USP30: variants seen among roughly 807,000 people sequenced by gnomAD.
USP30 encodes ubiquitin specific peptidase 30.
In USP30, 41 loss-of-function variants were observed where a neutral mutation model predicts 68.2. That is an observed-to-expected ratio of 0.60 (90% CI 0.47 to 0.78). The LOEUF (loss-of-function observed/expected upper bound fraction) is 0.78. USP30 is among the 30% of genes least tolerant of loss of function. The pLI, the probability that USP30 is intolerant of heterozygous loss-of-function variation, is 0.00. For synonymous variants in USP30, 229 were observed against 253.7 expected (o/e 0.90, Z 0.93); for missense variants, 522 against 649.4 (o/e 0.80, Z 2.13).
upstream of USP30, among the ~76,000 whole-genome samples, chr12:109,048,178 T>C (rs987272087): frequency 7.9e-5 from 12 of 151,328 alleles, no homozygotes; most frequent in African/African-American, 2.9e-4. Context: ...CTCTAACTCC[T>C]GGGCTCAAGC....
chr12:109,082,564 G>C, intron 9 of USP30, 99 bp from the exon 10 acceptor site: 1 of 1,161,352 alleles, frequency 8.6e-7, no homozygotes, highest in South Asian at 1.5e-5. Context: ...TAGCAGTCAA[G>C]TGCCAATTGT....
In USP30 at chr12:109,082,912, C is replaced by A. The variant is rs770601644; in HGVS notation, c.1018C>A (p.His340Asn). Reference sequence around the variant, plus strand: ...CAGCCACGGCACGCCTCTGAAGCGGCATGAGCACGTGCAGTTCAATGAGTT... The same window carrying A: ...CAGCCACGGCACGCCTCTGAAGCGGAATGAGCACGTGCAGTTCAATGAGTT... Reference protein sequence around the residue: ...WSSHGTPLKRHEHVQFNEFLM... With the variant: ...WSSHGTPLKRNEHVQFNEFLM... Residue 340 changes from histidine (H) to asparagine (N), a missense_variant, in exon 11 of 13, where the codon CAT becomes AAT. Transcript: ENST00000257548. 10 of 1,614,248 alleles carry A rather than the reference C, an allele frequency of 6.2e-6. No individual in the cohort carries two copies. In the East Asian group the frequency reaches 6.7e-5, roughly 11 times the overall value.
At chr12:109,024,650 C>T (rs1233579651) in intron 1 of USP30, among the ~76,000 whole-genome samples, 1 of 150,800 alleles carries the variant, frequency 6.6e-6, no homozygotes, top group Non-Finnish European at 1.5e-5. Context: ...GACCGAGTCT[C>T]GCTCTGTCTC....
intron 3 of USP30, among the ~76,000 whole-genome samples, chr12:109,036,708 T>C (rs554730100): frequency 1.3e-5 from 2 of 152,316 alleles, no homozygotes; most frequent in Admixed American, 1.3e-4. Flanking sequence ...TATAGTATTA[T>C]TGTTGACAGC....
At chr12:109,041,297 A>C (rs1298464982) in intron 3 of USP30, among the ~76,000 whole-genome samples, 1 of 152,202 alleles carries the variant, frequency 6.6e-6, no homozygotes, top group Admixed American at 6.5e-5. Context: ...ATGCACAATT[A>C]ATCACATCCA....
intron 8 of USP30, 75 bp from the exon 9 acceptor site, chr12:109,081,858 C>G: frequency 7.1e-7 from 1 of 1,415,450 alleles, no homozygotes; most frequent in African/African-American, 1.4e-5. Context: ...CTCTGGTCTT[C>G]ACACTGCCAT....
chr12:109,072,258 GATT>G (rs2135780241), intron 5 of USP30, 44 bp from the exon 6 acceptor site: 6 of 1,569,510 alleles, frequency 3.8e-6, no homozygotes, highest in East Asian at 2.2e-5. Flanking sequence ...TGGTGAAAGG[GATT>G]ATAGTAAGGT....
upstream of USP30, among the ~76,000 whole-genome samples, chr12:109,050,281 G>A (rs1005148243): frequency 3.9e-5 from 6 of 152,096 alleles, no homozygotes; most frequent in African/African-American, 9.7e-5. Context: ...GCCACAGAGC[G>A]AGCCTCCATC....
chr12:109,029,009 T>C (rs1200100669), intron 3 of USP30, among the ~76,000 whole-genome samples: 1 of 152,206 alleles, frequency 6.6e-6, no homozygotes, highest in East Asian at 1.9e-4. Flanking sequence ...TGTTGGCTTG[T>C]TGTGGTCCTT....
Position 109,053,094 on chromosome 12 carries a change from G to T in USP30, c.83+333G>T, listed in dbSNP as rs117073896. ...AGTCCTTTCAGTGCCTCCTAGGCCT[G>T]CCAAGACCCCTCAATCCTTCTAGTA... On this transcript the variant is annotated intron_variant, in intron 1 of 12. Coordinates refer to ENST00000257548, the MANE Select transcript of USP30 (RefSeq NM_032663.5). 1,021 of 230,088 alleles carry T rather than the reference G, an allele frequency of 4.4e-3. 10 individuals are homozygous for T. Among genetic ancestry groups the T allele is most frequent in the Non-Finnish European group, 4.6e-3 (550 of 119,272 alleles). The allele number at this position is 230,088 out of a possible 1,614,324, so 14.3% of individuals were successfully genotyped here.
intron 3 of USP30, among the ~76,000 whole-genome samples, chr12:109,046,009 A>T (rs988761788): frequency 1.3e-4 from 19 of 150,772 alleles, no homozygotes; most frequent in Non-Finnish European, 1.2e-4. Flanking sequence ...CTGGAGACCT[A>T]TGGAAAAAGC....
intron 3 of USP30, among the ~76,000 whole-genome samples, chr12:109,037,683 G>A (rs1401607048): frequency 2.6e-5 from 4 of 152,174 alleles, no homozygotes; most frequent in Admixed American, 6.5e-5. Flanking sequence ...AGATAGCTTA[G>A]TGGTCAGCTA....
intron 5 of USP30, 33 bp downstream of exon 5, chr12:109,071,743 C>T: frequency 6.4e-7 from 1 of 1,572,626 alleles, no homozygotes; most frequent in Non-Finnish European, 8.7e-7. Context: ...ACGTTCTGTG[C>T]AGCTTGTGCA....
At chr12:109,067,948 T>C (rs1566094650) in intron 4 of USP30, among the ~76,000 whole-genome samples, 1 of 152,020 alleles carries the variant, frequency 6.6e-6, no homozygotes, top group Non-Finnish European at 1.5e-5. Context: ...AAGAGGCAGG[T>C]GACTTTACCT....
At chr12:109,055,396 ATATATTT>A (rs1285303987) in intron 1 of USP30, among the ~76,000 whole-genome samples, 5 of 40,646 alleles carry the variant, frequency 1.2e-4, no homozygotes, top group Admixed American at 7.6e-4. Flanking sequence ...ATATATATAT[ATATATTT>A]TTTTTTTTTT....
chr12:109,044,988 C>CTT lies in USP30; in HGVS notation c.-135-2580_-135-2579dup, dbSNP rs34418635. ...TTCATTACCAAGTAAGGTCAAACATCTTTTTTTTTTTTTTTTTTTTTTTCT... is the reference window on the plus strand; with the variant it reads ...TTCATTACCAAGTAAGGTCAAACATCTTTTTTTTTTTTTTTTTTTTTTTTTCT... On this transcript the variant is annotated intron_variant, in intron 3 of 15. Transcript: ENST00000392784. Among the ~76,000 whole-genome samples, 91 of 100,150 alleles carry CTT rather than the reference C, an allele frequency of 9.1e-4. 7 individuals carry two copies. Among genetic ancestry groups the CTT allele is most frequent in the East Asian group, 1.3e-3 (4 of 3,072 alleles). The allele number at this position is 100,150 out of a possible 152,430, so 65.7% of individuals were successfully genotyped here.
intron 1 of USP30, among the ~76,000 whole-genome samples, chr12:109,055,379 C>CATATATATATATATAT (rs71443831): frequency 2.0e-4 from 12 of 58,934 alleles, no homozygotes; most frequent in African/African-American, 8.3e-4. Flanking sequence ...CATATATATA[C>CATATATATATATATAT]ATATATATAT....
At chr12:109,034,970 C>T (rs2135664346) in intron 3 of USP30, among the ~76,000 whole-genome samples, 2 of 152,212 alleles carry the variant, frequency 1.3e-5, no homozygotes, top group South Asian at 4.2e-4. Flanking sequence ...TTGAATGATA[C>T]CACTTTTTCC....
intron 4 of USP30, among the ~76,000 whole-genome samples, chr12:109,068,498 G>T (rs965431762): frequency 3.0e-5 from 4 of 135,178 alleles, no homozygotes; most frequent in Non-Finnish European, 6.0e-5. Context: ...TTTTAGACAT[G>T]GTGGTGGTAT....
Sources: allele counts gnomAD v4.1 joint callset (sites outside exome capture counted in the v4.1 genomes callset), GRCh38; gene constraint gnomAD v4.1.1; transcripts MANE v1.5; gene names NCBI Gene and HGNC (gene_info 2026-07-23, HGNC 2026-07-21).